NTRK2: variants seen among roughly 807,000 people sequenced by gnomAD.
The protein encoded by NTRK2 is neurotrophic receptor tyrosine kinase 2.
A neutral mutation model predicts 94.5 loss-of-function variants in NTRK2; 13 were observed. That is an observed-to-expected ratio of 0.14 (90% CI 0.09 to 0.22). NTRK2 has a LOEUF of 0.22. Among genes scored for constraint, NTRK2 ranks in the 10% least tolerant of loss-of-function variants. The pLI, the probability that NTRK2 is intolerant of heterozygous loss-of-function variation, is 1.00. For missense variants in NTRK2, 639 were observed against 1,071.2 expected (o/e 0.60, Z 5.63); for synonymous variants, 372 against 407.4 (o/e 0.91, Z 1.05).
intron 12 of NTRK2, among the ~76,000 whole-genome samples, chr9:84,767,789 A>G (rs139471816): frequency 2.0e-3 from 308 of 152,246 alleles, no homozygotes; most frequent in Non-Finnish European, 3.6e-3. Flanking sequence ...TTTTCCCCCA[A>G]ATATCTGGGA....
intron 12 of NTRK2, among the ~76,000 whole-genome samples, chr9:84,791,357 G>T (rs1250397397): frequency 6.6e-6 from 1 of 152,048 alleles, no homozygotes; most frequent in Non-Finnish European, 1.5e-5. Context: ...ATTTTCTTAT[G>T]TCTGGATTAA....
intron 17 of NTRK2, among the ~76,000 whole-genome samples, chr9:84,997,765 G>A (rs1446557936): frequency 6.6e-6 from 1 of 152,164 alleles, no homozygotes; most frequent in African/African-American, 2.4e-5. Flanking sequence ...TGCTGGGTCT[G>A]GGAAAACCTG....
chr9:84,971,643 C>A (rs1277848852), intron 17 of NTRK2, among the ~76,000 whole-genome samples: 1 of 152,172 alleles, frequency 6.6e-6, no homozygotes, highest in Non-Finnish European at 1.5e-5. Context: ...GCCAGCCATG[C>A]TGAGGATTTT....
intron 2 of NTRK2, among the ~76,000 whole-genome samples, chr9:84,676,315 C>T (rs566069127): frequency 4.6e-5 from 7 of 152,262 alleles, no homozygotes; most frequent in South Asian, 2.1e-4. Flanking sequence ...ACAAGGTGCT[C>T]GGGGTCTGGC....
chr9:84,812,991 G>T, intron 12 of NTRK2: 1 of 1,035,228 alleles, frequency 9.7e-7, no homozygotes, highest in South Asian at 4.6e-5. Flanking sequence ...CAGTAACATA[G>T]CTTCTCTTTT....
At chr9:84,919,160 C>A (rs1405244340) in intron 14 of NTRK2, among the ~76,000 whole-genome samples, 1 of 152,136 alleles carries the variant, frequency 6.6e-6, no homozygotes, top group Non-Finnish European at 1.5e-5. Context: ...TTTTTAAGAT[C>A]CCTACTTTGC....
chr9:84,723,770 T>A (rs1407728577), intron 7 of NTRK2, 61 bp downstream of exon 7: 2 of 1,599,792 alleles, frequency 1.3e-6, no homozygotes, highest in Admixed American at 3.3e-5. Flanking sequence ...AATGCGAGAA[T>A]GTATTAAACC....
At chr9:84,757,104 G>A (rs912475767) in intron 12 of NTRK2, among the ~76,000 whole-genome samples, 1 of 152,182 alleles carries the variant, frequency 6.6e-6, no homozygotes, top group African/African-American at 2.4e-5. Context: ...AAACACAGTT[G>A]TAGAAACATC....
At chr9:84,774,212 G>C (rs550515786) in intron 12 of NTRK2, among the ~76,000 whole-genome samples, 68 of 152,310 alleles carry the variant, frequency 4.5e-4, no homozygotes, top group Admixed American at 8.5e-4. Flanking sequence ...CAATGGAGGG[G>C]ACTGGACCCA....
At chr9:84,970,252 C>A (rs1431756715) in intron 17 of NTRK2, among the ~76,000 whole-genome samples, 2 of 151,920 alleles carry the variant, frequency 1.3e-5, no homozygotes, top group Non-Finnish European at 2.9e-5. Context: ...CAAAAACTAG[C>A]CAGGTGTGGT....
intron 17 of NTRK2, among the ~76,000 whole-genome samples, chr9:84,989,969 A>C (rs1304105555): frequency 6.6e-6 from 1 of 152,212 alleles, no homozygotes; most frequent in Non-Finnish European, 1.5e-5. Flanking sequence ...TGAGTTGGTA[A>C]TAACAAGTAC....
At position 84,872,403 on chromosome 9, in the gene NTRK2, A is replaced by G. The variant is rs188737944; in HGVS notation, c.1633+4972A>G. On this transcript the variant is annotated intron_variant, in intron 14 of 18. Transcript: ENST00000277120. ...GTTTTATCTTCTCCCGTCGGAGCAA[A>G]CACTATAGATGTCCTCCCTAAAATT... 39 of 1,088,362 alleles carry G rather than the reference A, an allele frequency of 3.6e-5. No homozygotes were observed. The East Asian group carries it at 1.6e-3, about 44-fold the overall frequency. 67.4% of individuals were successfully genotyped at this position (1,088,362 alleles called of 1,614,324 possible).
chr9:84,874,037 G>A, intron 14 of NTRK2: 1 of 1,063,984 alleles, frequency 9.4e-7, no homozygotes, highest in Non-Finnish European at 1.1e-6. Context: ...AAGCATCCCA[G>A]CAGATGGAGG....
At chr9:84,978,175 A>T (rs569667675) in intron 17 of NTRK2, among the ~76,000 whole-genome samples, 4 of 152,340 alleles carry the variant, frequency 2.6e-5, no homozygotes, top group Non-Finnish European at 5.9e-5. Flanking sequence ...AAAAGCTAAA[A>T]AAGATTAAAC....
rs1003088749 is a variant in NTRK2, at chr9:84,958,209, A to T, written c.2172+2692A>T. Among the ~76,000 whole-genome samples, 22 of 152,318 alleles carry T rather than the reference A, an allele frequency of 1.4e-4. 2 individuals are homozygous for T. Among genetic ancestry groups the T allele is most frequent in the African/African-American group, 5.1e-4 (21 of 41,574 alleles). ...CAACATTAATCATATACAAAAAAAA[A>T]ACACTGAATCATTCACTTTAAAGGC... On this transcript the variant is annotated intron_variant, in intron 17 of 18. Coordinates refer to ENST00000277120, the MANE Select transcript of NTRK2 (RefSeq NM_006180.6).
chr9:84,942,224 T>C (rs1287711378), intron 15 of NTRK2, among the ~76,000 whole-genome samples: 1 of 152,210 alleles, frequency 6.6e-6, no homozygotes, highest in Non-Finnish European at 1.5e-5. Flanking sequence ...CTCTAGTTTC[T>C]AAGATTTTAT....
chr9:84,794,412 T>G (rs2069061844), intron 12 of NTRK2, among the ~76,000 whole-genome samples: 1 of 152,206 alleles, frequency 6.6e-6, no homozygotes, highest in Non-Finnish European at 1.5e-5. Flanking sequence ...TAAAAGGCAG[T>G]TCAGATGAGT....
At chr9:84,955,550 A>C (rs2132981153) in intron 17 of NTRK2, 33 bp downstream of exon 17, 3 of 1,564,346 alleles carry the variant, frequency 1.9e-6, no homozygotes, top group Non-Finnish European at 2.6e-6. Flanking sequence ...GACCCCAGGG[A>C]CCTCTTTCCC....
intron 14 of NTRK2, chr9:84,871,947 C>G: frequency 1.3e-6 from 2 of 1,597,962 alleles, no homozygotes; most frequent in Non-Finnish European, 1.7e-6. Flanking sequence ...GACGTCACTC[C>G]TTAGCTTCCA....
Sources: gnomAD v4.1 joint callset for allele counts (sites outside exome capture counted in the v4.1 genomes callset) on GRCh38, gnomAD v4.1.1 for gene constraint, MANE v1.5 for transcripts, NCBI Gene and HGNC (gene_info 2026-07-23, HGNC 2026-07-21) for gene names.